Variants in TCF12 observed in about 807,000 individuals in gnomAD.
The protein encoded by TCF12 is DNA-binding protein HTF4.
Under a neutral mutation model 86.0 loss-of-function variants are expected in TCF12, and 45 were observed. That is an observed-to-expected ratio of 0.52 (90% CI 0.41 to 0.67). The LOEUF is 0.67. Ranked by LOEUF, TCF12 falls within the 30% of genes least tolerant of loss-of-function variation. The pLI is 0.00. For synonymous variants in TCF12, 330 were observed against 299.6 expected (o/e 1.10, Z -1.05); for missense variants, 881 against 859.9 (o/e 1.02, Z -0.31).
At chr15:57,006,974 A>C (rs1447515087) in intron 3 of TCF12, among the ~76,000 whole-genome samples, 4 of 152,200 alleles carry the variant, frequency 2.6e-5, no homozygotes, top group African/African-American at 9.6e-5. Context: ...AGCTAGATAA[A>C]GCATATTTGG....
Position 57,273,107 on chromosome 15 carries a change from C to T in TCF12, c.1823C>T (p.Ala608Val). 1 of 1,614,170 alleles carries T rather than the reference C, an allele frequency of 6.2e-7. No homozygotes were observed. The highest frequency in any genetic ancestry group is 8.5e-7 in the Non-Finnish European group (1 of 1,180,036). ...REKERRMANN[A>V]RERLRVRDIN... ...AAGGAGAGGCGGATGGCTAACAATG[C>T]CAGAGAACGCTTACGCGTGCGGGAT... Residue 608 changes from alanine (A) to valine (V), a missense_variant, in exon 19 of 21, where the codon GCC becomes GTC. Around this residue, in one of 3 missense-constraint regions of TCF12, gnomAD observed 46 missense variants for 76.7 expected, o/e 0.60. Transcript: ENST00000333725.
chr15:56,984,124 G>C (rs528832253), intron 3 of TCF12, among the ~76,000 whole-genome samples: 446 of 147,226 alleles, frequency 3.0e-3, no homozygotes, highest in African/African-American at 0.011. Context: ...TTGTTCTTCT[G>C]TTTTCACCTT....
At chr15:56,942,896 A>G (rs1436889309) in intron 3 of TCF12, among the ~76,000 whole-genome samples, 6 of 152,198 alleles carry the variant, frequency 3.9e-5, no homozygotes, top group African/African-American at 1.2e-4. Context: ...CTTCTAGGTG[A>G]CATGGGAAGA....
chr15:57,219,254 T>G, intron 8 of TCF12: 1 of 1,168,640 alleles, frequency 8.6e-7, no homozygotes, highest in East Asian at 3.7e-5. Flanking sequence ...AAAAGTGACT[T>G]GCATTTTTTT....
intron 5 of TCF12, among the ~76,000 whole-genome samples, chr15:57,124,517 C>G (rs1472762286): frequency 1.3e-5 from 2 of 152,094 alleles, no homozygotes; most frequent in Non-Finnish European, 2.9e-5. Flanking sequence ...GTGTTCCAGA[C>G]TTCCCAGGTA....
chr15:56,987,786 C>T (rs1036264609), intron 3 of TCF12, among the ~76,000 whole-genome samples: 3 of 152,106 alleles, frequency 2.0e-5, no homozygotes, highest in Admixed American at 6.5e-5. Context: ...AATTTAAATT[C>T]GTGGTTTGGC....
chr15:57,093,859 G>A (rs2049149909), intron 5 of TCF12, among the ~76,000 whole-genome samples: 1 of 152,152 alleles, frequency 6.6e-6, no homozygotes, highest in South Asian at 2.1e-4. Flanking sequence ...CTGCATTCAT[G>A]TGAACTACGT....
At chr15:57,051,217 C>G (rs928689411) in intron 3 of TCF12, among the ~76,000 whole-genome samples, 1 of 152,118 alleles carries the variant, frequency 6.6e-6, no homozygotes, top group Admixed American at 6.5e-5. Flanking sequence ...ATTTACCAAG[C>G]CTTTCTAGTT....
upstream of TCF12, chr15:56,918,292 C>T (rs1158995134): frequency 2.2e-6 from 1 of 455,702 alleles, no homozygotes; most frequent in South Asian, 1.5e-5. Flanking sequence ...GCTTCCACAG[C>T]TGTGTCTCCG....
intron 5 of TCF12, among the ~76,000 whole-genome samples, chr15:57,155,519 G>C (rs1425441115): frequency 6.6e-6 from 1 of 152,136 alleles, no homozygotes; most frequent in Non-Finnish European, 1.5e-5. Flanking sequence ...AGCAGGCCAG[G>C]CATGGTGGCT....
At position 57,203,156 on chromosome 15, in the gene TCF12, A is replaced by G. The variant is rs1178324050; in HGVS notation, c.579+5331A>G. Among the ~76,000 whole-genome samples, 4 of 152,348 alleles carry G rather than the reference A, an allele frequency of 2.6e-5. No individual in the cohort carries two copies. The East Asian group carries it at 5.8e-4, about 22-fold the overall frequency. ...TTGTTTAGAAAGCATTCACTTGCAGAAAAACAATCTACAAAAGGAAGGAAA... is the reference window on the plus strand; with the variant it reads ...TTGTTTAGAAAGCATTCACTTGCAGGAAAACAATCTACAAAAGGAAGGAAA... On this transcript the variant is annotated intron_variant, in intron 8 of 20. Transcript: ENST00000333725.
At position 57,063,797 on chromosome 15, in the gene TCF12, C is replaced by T. The variant is rs748088394; in HGVS notation, c.196C>T (p.Pro66Ser). The change falls in exon 4 of 21, where the codon CCA becomes TCA. Residue 66 changes from proline to serine, a missense_variant. This residue lies in a region of TCF12 where 766 missense variants were observed against 718.9 expected (regional missense o/e 1.07). Coordinates refer to ENST00000333725, the MANE Select transcript of TCF12 (RefSeq NM_207037.2). ...AACATCTTGGGGAACAAGTGGTCAA[C>T]CAAGTCCTTCCTATGATTCATCTAG... The part of the protein sequence containing the change: ...GTTSWGTSGQ[P>S]SPSYDSSRGF... 6.9e-6 allele frequency: 11 copies of T among 1,602,788 alleles called. No homozygotes were observed.
chr15:56,990,426 G>T (rs2063394016), intron 3 of TCF12, among the ~76,000 whole-genome samples: 1 of 152,018 alleles, frequency 6.6e-6, no homozygotes, highest in African/African-American at 2.4e-5. Context: ...TGTAGTTATA[G>T]GATAAATGTA....
chr15:57,250,323 C>G (rs1446640188), intron 13 of TCF12, among the ~76,000 whole-genome samples: 1 of 152,154 alleles, frequency 6.6e-6, no homozygotes, highest in African/African-American at 2.4e-5. Context: ...CTCAAAACAT[C>G]CTTCCCCCTG....
chr15:57,205,766 G>A (rs188508918), intron 8 of TCF12, among the ~76,000 whole-genome samples: 293 of 152,334 alleles, frequency 1.9e-3, no homozygotes, highest in African/African-American at 6.4e-3. Flanking sequence ...CCACTGTTCA[G>A]AACAGTGTCA....
intron 12 of TCF12, among the ~76,000 whole-genome samples, chr15:57,239,090 C>G (rs138737282): frequency 6.6e-6 from 1 of 152,186 alleles, no homozygotes; most frequent in Admixed American, 6.5e-5. Flanking sequence ...GGCAACACCA[C>G]GCCTGTAATC....
chr15:57,085,290 A>G (rs1049350755), intron 4 of TCF12, among the ~76,000 whole-genome samples: 1 of 152,230 alleles, frequency 6.6e-6, no homozygotes, highest in African/African-American at 2.4e-5. Flanking sequence ...GACAGAATCT[A>G]TCTCCCTGTT....
intron 3 of TCF12, among the ~76,000 whole-genome samples, chr15:57,022,703 A>G (rs932562202): frequency 4.6e-5 from 7 of 152,084 alleles, no homozygotes; most frequent in African/African-American, 7.2e-5. Context: ...AAGTGTTCCT[A>G]TTTCTCCACA....
chr15:57,100,232 C>G (rs1241010529), intron 5 of TCF12, among the ~76,000 whole-genome samples: 1 of 152,080 alleles, frequency 6.6e-6, no homozygotes, highest in Non-Finnish European at 1.5e-5. Flanking sequence ...TACTTGGTTG[C>G]TAGAGAACAA....
Sources: allele counts gnomAD v4.1 joint callset (sites outside exome capture counted in the v4.1 genomes callset), GRCh38; gene constraint gnomAD v4.1.1; regional missense constraint gnomAD v4.1.1; transcripts MANE v1.5; gene names NCBI Gene and HGNC (gene_info 2026-07-23, HGNC 2026-07-21).